The following EPHA2 variants were observed in gnomAD, a reference collection of about 807,000 sequenced individuals.
EPHA2 encodes the protein EPH receptor A2.
A neutral mutation model predicts 104.9 loss-of-function variants in EPHA2; 54 were observed. The ratio of observed to expected loss-of-function variants is 0.51; its 90% confidence interval spans 0.41 to 0.65. EPHA2 has a LOEUF of 0.65. EPHA2 is among the 30% of genes least tolerant of loss of function. The pLI is 0.00. For missense variants in EPHA2, 1,117 were observed against 1,369.5 expected (o/e 0.82, Z 2.91); for synonymous variants, 560 against 559.1 (o/e 1.00, Z -0.02).
chr1:16,148,445 C>T lies in EPHA2; in HGVS notation c.756G>A (p.Glu252=). ...GGCACTGCCCAATGGGCACCAGCCACTCGCCATCCACTGCACAGTGCATAC... is the reference window on the plus strand; with the variant it reads ...GGCACTGCCCAATGGGCACCAGCCATTCGCCATCCACTGCACAGTGCATAC... ...EPRMHCAVDG[E]WLVPIGQCLC... The change falls in exon 3 of 17, where the codon GAG becomes GAA. Residue 252 remains glutamate (E), a synonymous_variant. Transcript: ENST00000358432. The surrounding 1 kb of genome is among the most constrained non-coding windows in gnomAD (Gnocchi z 4.9). 1 of 1,613,874 alleles carries T rather than the reference C, an allele frequency of 6.2e-7. No homozygotes were observed.
rs765370168 is a variant in EPHA2, at chr1:16,130,435, G to A, written c.2476-16C>T. ...CTTTCATCACCTGGCGGGGCACGAA[G>A]GTCAGGGGCGCTGTTGCAGAAAGCC... On this transcript the variant is annotated splice_polypyrimidine_tract_variant and intron_variant, in intron 14 of 16. Coordinates refer to ENST00000358432, the MANE Select transcript of EPHA2 (RefSeq NM_004431.5). This position sits in a 1 kb window ranked among gnomAD's most constrained non-coding sequence, Gnocchi z 4.5. 1.3e-6 allele frequency: 2 copies of A among 1,535,972 alleles called. No homozygotes were observed.
rs2024515367 is a variant in EPHA2 at position 16,128,730 on chromosome 1, G to A, written c.2825+704C>T. Among the ~76,000 whole-genome samples the A allele has an allele frequency of 6.6e-6, 1 of 152,178 alleles. No homozygotes were observed. Among genetic ancestry groups the A allele is most frequent in the Non-Finnish European group, 1.5e-5 (1 of 68,032 alleles). On this transcript the variant is annotated intron_variant, in intron 16 of 16. Coordinates refer to ENST00000358432, the MANE Select transcript of EPHA2 (RefSeq NM_004431.5). The surrounding 1 kb of genome is among the most constrained non-coding windows in gnomAD (Gnocchi z 4.7). The stretch of plus-strand genomic sequence containing the variant: ...TGGAGTTGGGAAGGGGAGAAGAGCT[G>A]CCAAGGGGCAGCTTGACAAAGGGGC...
Position 16,124,942 on chromosome 1 carries a change from C to T in EPHA2, c.*273G>A, listed in dbSNP as rs1208362952. On this transcript the variant is annotated 3_prime_UTR_variant, in exon 17 of 17. Transcript: ENST00000358432. ...CCATATGTCTGTCCGAAGGCTGTGG[C>T]GGGGCTCCTGCTCCAGGGATGCTGG... is the stretch of plus-strand genomic sequence containing the variant. 4 of 492,870 alleles carry T rather than the reference C, an allele frequency of 8.1e-6. No individual in the cohort carries two copies. Among genetic ancestry groups the T allele is most frequent in the Non-Finnish European group, 7.4e-6 (2 of 268,572 alleles). 30.5% of individuals were successfully genotyped at this position (492,870 alleles called of 1,614,324 possible).
In EPHA2 at chr1:16,137,911, G is replaced by A. The variant is rs2124225639; in HGVS notation, c.1254C>T (p.Val418=). ...YTFTVEARNG[V]SGLVTSRSFR... is the part of the protein sequence containing the mutation. ...AGCTGCGGCTGGTTACCAGGCCTGA[G>A]ACGCCATTGCGGGCCTCCACGGTGA... Residue 418 remains valine (V), a synonymous_variant, in exon 5 of 17, where the codon GTC becomes GTT. Transcript: ENST00000358432. 6.2e-7 allele frequency: 1 copy of A among 1,614,064 alleles called. No homozygotes were observed. Among genetic ancestry groups the A allele is most frequent in the Non-Finnish European group, 8.5e-7 (1 of 1,180,040 alleles).
At chr1:16,143,574 G>A (rs1479897229) in intron 3 of EPHA2, among the ~76,000 whole-genome samples, 1 of 152,124 alleles carries the variant, frequency 6.6e-6, no homozygotes, top group Non-Finnish European at 1.5e-5. Context: ...CCCCTCAGGT[G>A]GCAGCATGAG....
chr1:16,138,522 G>C (rs1557509278), intron 3 of EPHA2, 92 bp from the exon 4 acceptor site: 1 of 1,574,870 alleles, frequency 6.3e-7, no homozygotes, highest in East Asian at 2.2e-5. Context: ...AGGGACCCCT[G>C]CCCTGCAAGC....
chr1:16,155,790 G>A (rs572212172), intron 1 of EPHA2, 58 bp downstream of exon 1: 4 of 1,279,248 alleles, frequency 3.1e-6, no homozygotes, highest in South Asian at 1.9e-5. Flanking sequence ...AAGGAGCGCC[G>A]GGCTCTAGGG....
In EPHA2 at chr1:16,130,381, T is replaced by C. The variant is rs35586310; in HGVS notation, c.2514A>G (p.Thr838=). 3.3e-3 allele frequency: 5,176 copies of C among 1,557,240 alleles called. 164 individuals carry two copies. In the African/African-American group the frequency reaches 0.06, roughly 18 times the overall value. The change falls in exon 15 of 17, where the codon ACA becomes ACG. Residue 838 remains threonine (T), a synonymous_variant. Coordinates refer to ENST00000358432, the MANE Select transcript of EPHA2 (RefSeq NM_004431.5). The surrounding 1 kb of genome is among the most constrained non-coding windows in gnomAD (Gnocchi z 4.5). The part of the protein sequence containing the change: ...KAINDGFRLP[T]PMDCPSAIYQ... ...AGATGGCGGAGGGGCAGTCCATGGG[T>C]GTGGGGAGCCGGAAGCCATCATTGA...
rs1237251699 is a variant in EPHA2, at chr1:16,125,732, C to G, written c.2826-412G>C. 6.6e-6 allele frequency among the ~76,000 whole-genome samples: 1 copy of G among 152,102 alleles called. No individual in the cohort carries two copies. Among genetic ancestry groups the G allele is most frequent in the Non-Finnish European group, 1.5e-5 (1 of 68,004 alleles). ...GTCACACAGCTAGGAGGTGGAAGAG[C>G]TGGGAATCAAACCAGCTATGAACAA... On this transcript the variant is annotated intron_variant, in intron 16 of 16. Transcript: ENST00000358432. The surrounding 1 kb of genome is among the most constrained non-coding windows in gnomAD (Gnocchi z 4.9).
Position 16,134,529 on chromosome 1 carries a change from C to A in EPHA2, c.1621G>T (p.Val541Leu). Residue 541 changes from valine to leucine, a missense_variant, in exon 8 of 17, where the codon GTG becomes TTG. Physicochemically the swap from Val to Leu is conservative, Grantham distance 32 (BLOSUM62 1). Coordinates refer to ENST00000358432, the MANE Select transcript of EPHA2 (RefSeq NM_004431.5). This position sits in a 1 kb window ranked among gnomAD's most constrained non-coding sequence, Gnocchi z 4.5. ...GSGNLAVIGG[V>L]AVGVVLLLVL... Reference sequence around the variant, plus strand: ...AGAAGCAGGACCACACCGACAGCCACGCCGCCAATCACCGCCAAGTTGCCA... The same window carrying A: ...AGAAGCAGGACCACACCGACAGCCAAGCCGCCAATCACCGCCAAGTTGCCA... 6.2e-7 allele frequency: 1 copy of A among 1,614,116 alleles called. No homozygotes were observed. Among genetic ancestry groups the A allele is most frequent in the South Asian group, 1.1e-5 (1 of 91,082 alleles).
At position 16,155,916 on chromosome 1, in the gene EPHA2, G is replaced by T. The variant is rs1569629785; in HGVS notation, c.17C>A (p.Ala6Asp). MELQA[A>D]RACFALLWGC... ...CCACAGCAGGGCGAAGCAGGCGCGG[G>T]CTGCCTGGAGCTCCATGCCGCGCTT... The change falls in exon 1 of 17, where the codon GCC (alanine) becomes GAC (aspartate). Residue 6 changes from alanine to aspartate, a missense_variant. Transcript: ENST00000358432. 1 of 1,488,458 alleles carries T rather than the reference G, an allele frequency of 6.7e-7. No homozygotes were observed. The highest frequency in any genetic ancestry group is 2.2e-5 in the Admixed American group (1 of 44,810). The allele number at this position is 1,488,458 out of a possible 1,614,324, so 92.2% of individuals were successfully genotyped here.
In EPHA2 at chr1:16,132,370, A is replaced by G. The variant is rs941278640; in HGVS notation, c.2115+8T>C. On this transcript the variant is annotated splice_region_variant and intron_variant, in intron 12 of 16. Coordinates refer to ENST00000358432, the MANE Select transcript of EPHA2 (RefSeq NM_004431.5). ...GGCATCCCCGCCCCCTACAACCCAC[A>G]TCCTTACCCGAAGGAACTTGTCCAG... 6.2e-7 allele frequency: 1 copy of G among 1,614,030 alleles called. No homozygotes were observed. Among genetic ancestry groups the G allele is most frequent in the African/African-American group, 1.3e-5 (1 of 75,006 alleles).
Position 16,125,373 on chromosome 1 carries a change from GC to G in EPHA2, c.2826-54del. 1 of 983,510 alleles carries G rather than the reference GC, an allele frequency of 1.0e-6. No individual in the cohort carries two copies. Among genetic ancestry groups the G allele is most frequent in the Non-Finnish European group, 1.5e-6 (1 of 665,962 alleles). 60.9% of individuals were successfully genotyped at this position (983,510 alleles called of 1,614,324 possible). The stretch of plus-strand genomic sequence containing the variant: ...GTTAGGGGCTGGAGCAGGGGAGGGG[GC>G]CGGGCTGGGTGGGGACAGGACTCGG... On this transcript the variant is annotated intron_variant, in intron 16 of 16. Coordinates refer to ENST00000358432, the MANE Select transcript of EPHA2 (RefSeq NM_004431.5). The surrounding 1 kb of genome is among the most constrained non-coding windows in gnomAD (Gnocchi z 4.9).
Position 16,132,234 on chromosome 1 carries a change from T to G in EPHA2, c.2155A>C (p.Met719Leu). ...ATGCCAGCTGCGATGCCCCGCAGCATGCCCACCAGCTGCAGCACGCTGAAC... is the reference window on the plus strand; with the variant it reads ...ATGCCAGCTGCGATGCCCCGCAGCAGGCCCACCAGCTGCAGCACGCTGAAC... Reference protein sequence around the residue: ...GEFSVLQLVGMLRGIAAGMKY... With the variant: ...GEFSVLQLVGLLRGIAAGMKY... The change falls in exon 13 of 17, where the codon ATG (methionine) becomes CTG (leucine). Residue 719 changes from methionine to leucine, a missense_variant. Coordinates refer to ENST00000358432, the MANE Select transcript of EPHA2 (RefSeq NM_004431.5). 14 of 1,614,188 alleles carry G rather than the reference T, an allele frequency of 8.7e-6. No homozygotes were observed. Among genetic ancestry groups the G allele is most frequent in the Non-Finnish European group, 1.1e-5 (13 of 1,180,034 alleles).
chr1:16,129,697 C>G, intron 15 of EPHA2, 108 bp from the exon 16 acceptor site: 1 of 1,408,744 alleles, frequency 7.1e-7, no homozygotes, highest in Non-Finnish European at 9.5e-7. Context: ...CCCGTGCCTC[C>G]GTCTCCTTAT....
intron 3 of EPHA2, among the ~76,000 whole-genome samples, chr1:16,146,133 G>A (rs906529746): frequency 2.0e-5 from 3 of 152,296 alleles, no homozygotes; most frequent in Non-Finnish European, 4.4e-5. Context: ...CTCGCGCACC[G>A]GCACCCAGCC....
chr1:16,124,481 A>C lies in EPHA2; in HGVS notation c.*734T>G, dbSNP rs1297077023. On this transcript the variant is annotated 3_prime_UTR_variant, in exon 17 of 17. Coordinates refer to ENST00000358432, the MANE Select transcript of EPHA2 (RefSeq NM_004431.5). ...ACACTGACAGAATAGAAACTTATCCAAAAGGATGAGAGATGGGGCCGACTG... is the reference window on the plus strand; with the variant it reads ...ACACTGACAGAATAGAAACTTATCCCAAAGGATGAGAGATGGGGCCGACTG... 6.6e-6 allele frequency: 1 copy of C among 152,610 alleles called. No homozygotes were observed. Among genetic ancestry groups the C allele is most frequent in the Non-Finnish European group, 1.5e-5 (1 of 68,050 alleles). 9.5% of individuals were successfully genotyped at this position (152,610 alleles called of 1,614,324 possible).
rs2025012288 is a variant in EPHA2 at position 16,150,358 on chromosome 1, C to T, written c.153+538G>A. ...CCCCTGCCCCCATTCCTGGTCACAT[C>T]AGGACGGCATAGAGGGGAAGACCTG... On this transcript the variant is annotated intron_variant, in intron 2 of 16. Coordinates refer to ENST00000358432, the MANE Select transcript of EPHA2 (RefSeq NM_004431.5). This position sits in a 1 kb window ranked among gnomAD's most constrained non-coding sequence, Gnocchi z 4.8. Among the ~76,000 whole-genome samples, 1 of 152,196 alleles carries T rather than the reference C, an allele frequency of 6.6e-6. No homozygotes were observed. The highest frequency in any genetic ancestry group is 6.5e-5 in the Admixed American group (1 of 15,290).
intron 3 of EPHA2, among the ~76,000 whole-genome samples, chr1:16,141,753 C>A (rs193113573): frequency 6.8e-4 from 103 of 152,366 alleles, no homozygotes; most frequent in African/African-American, 2.3e-3. Context: ...TTGGCCCCAG[C>A]GCCCGGGGGT....
Sources: allele counts gnomAD v4.1 joint callset (sites outside exome capture counted in the v4.1 genomes callset), GRCh38; gene constraint gnomAD v4.1.1; non-coding constraint Gnocchi (gnomAD v3.1); transcripts MANE v1.5; gene names NCBI Gene and HGNC (gene_info 2026-07-23, HGNC 2026-07-21).